Variants in THEMIS observed in about 807,000 individuals in gnomAD.
THEMIS encodes the protein protein THEMIS.
In THEMIS, 37 loss-of-function variants were observed where a neutral mutation model predicts 52.6. The ratio of observed to expected loss-of-function variants is 0.70; its 90% CI spans 0.54 to 0.93. The LOEUF (loss-of-function observed/expected upper bound fraction) is 0.93. Among genes scored for constraint, THEMIS ranks in the 40% least tolerant of loss-of-function variants. The pLI is 0.00. For missense variants in THEMIS, 808 were observed against 763.1 expected, an observed-to-expected ratio of 1.06 and a Z score of -0.69; for synonymous variants, 292 against 272.7, an observed-to-expected ratio of 1.07 and a Z score of -0.70.
At chr6:127,797,705 T>A (rs1431749179) in intron 4 of THEMIS, among the ~76,000 whole-genome samples, 1 of 152,232 alleles carries the variant, frequency 6.6e-6, no homozygotes, top group African/African-American at 2.4e-5. Flanking sequence ...GACTAAAAAT[T>A]CACAGGATAT....
At chr6:127,724,997 G>C (rs899202709) in intron 4 of THEMIS, among the ~76,000 whole-genome samples, 13 of 151,948 alleles carry the variant, frequency 8.6e-5, no homozygotes, top group Non-Finnish European at 1.6e-4. Context: ...AAATGGGCTT[G>C]TTTTTCTTTA....
At chr6:127,763,178 G>T (rs115176348) in intron 4 of THEMIS, among the ~76,000 whole-genome samples, 2,723 of 151,990 alleles carry the variant, frequency 0.018, 103 homozygotes, top group African/African-American at 0.062. Flanking sequence ...TACAGGGAAA[G>T]GTCAATTTAG....
chr6:127,865,147 C>G (rs1300184229), intron 1 of THEMIS, among the ~76,000 whole-genome samples: 1 of 152,102 alleles, frequency 6.6e-6, no homozygotes, highest in Admixed American at 6.6e-5. Context: ...GCAGCACCCC[C>G]TTAGAGGTCA....
intron 2 of THEMIS, among the ~76,000 whole-genome samples, chr6:127,839,652 G>A (rs1225661862): frequency 6.6e-6 from 1 of 152,114 alleles, no homozygotes; most frequent in Non-Finnish European, 1.5e-5. Context: ...ACAGGCATGA[G>A]CCACTATGCC....
At chr6:127,816,370 C>T (rs1268647500) in intron 3 of THEMIS, among the ~76,000 whole-genome samples, 1 of 152,136 alleles carries the variant, frequency 6.6e-6, no homozygotes, top group South Asian at 2.1e-4. Flanking sequence ...CCAGCCAAAA[C>T]ATTTTCCTGA....
chr6:127,741,423 A>G (rs562593713), intron 4 of THEMIS, among the ~76,000 whole-genome samples: 1 of 152,214 alleles, frequency 6.6e-6, no homozygotes, highest in Admixed American at 6.5e-5. Context: ...TCATAGAAGG[A>G]GGAAAAAATT....
At chr6:127,800,625 G>A (rs376444919) in intron 4 of THEMIS, among the ~76,000 whole-genome samples, 4 of 152,200 alleles carry the variant, frequency 2.6e-5, no homozygotes, top group African/African-American at 2.4e-5. Context: ...GGAGGTTAAC[G>A]TTTGAGTCAG....
At chr6:127,722,881 A>G (rs941646173) in intron 4 of THEMIS, among the ~76,000 whole-genome samples, 1 of 152,028 alleles carries the variant, frequency 6.6e-6, no homozygotes, top group Non-Finnish European at 1.5e-5. Context: ...ATCTTGGACA[A>G]TATCCATATC....
At position 127,829,650 on chromosome 6, in the gene THEMIS, C is replaced by T. The variant is rs369120459; in HGVS notation, c.535G>A (p.Glu179Lys). 11 of 1,613,944 alleles carry T rather than the reference C, an allele frequency of 6.8e-6. No individual in the cohort carries two copies. Among genetic ancestry groups the T allele is most frequent in the Non-Finnish European group, 9.3e-6 (11 of 1,180,010 alleles). ...QEGEFYECEDERIYTLKEIVE... is the reference protein window; with the variant it reads ...QEGEFYECEDKRIYTLKEIVE... Reference sequence around the variant, plus strand: ...ATCTCCTTTAGAGTGTAAATACGTTCATCTTCACACTCGTAGAATTCTCCT... The same window carrying T: ...ATCTCCTTTAGAGTGTAAATACGTTTATCTTCACACTCGTAGAATTCTCCT... The change falls in exon 3 of 6, where the codon GAA becomes AAA. Residue 179 changes from glutamate to lysine, a missense_variant. By Grantham distance (56) the Glu-to-Lys change is moderately conservative (BLOSUM62 1). Coordinates refer to ENST00000368248, the MANE Select transcript of THEMIS (RefSeq NM_001010923.3).
chr6:127,730,306 GA>G (rs1562219813), intron 4 of THEMIS, among the ~76,000 whole-genome samples: 1 of 123,482 alleles, frequency 8.1e-6, no homozygotes, highest in East Asian at 2.2e-4. Context: ...GAAAAGAAAA[GA>G]AAAGAAAAGA....
chr6:127,846,689 A>G (rs904659579), intron 2 of THEMIS, among the ~76,000 whole-genome samples: 3 of 151,916 alleles, frequency 2.0e-5, no homozygotes, highest in Admixed American at 2.0e-4. Flanking sequence ...ATAGATTCAC[A>G]GCTGAATTCT....
intron 4 of THEMIS, among the ~76,000 whole-genome samples, chr6:127,729,478 C>T (rs1774680762): frequency 6.6e-6 from 1 of 152,094 alleles, no homozygotes. Context: ...AGATGGTGGC[C>T]ATCTGAAATC....
chr6:127,902,741 T>C (rs73773942), upstream of THEMIS, among the ~76,000 whole-genome samples: 588 of 152,180 alleles, frequency 3.9e-3, 3 homozygotes, highest in African/African-American at 0.014. Context: ...CCTTGATCTG[T>C]CTGCCTTCCA....
chr6:127,848,463 T>C (rs1424331087), intron 2 of THEMIS, among the ~76,000 whole-genome samples: 3 of 151,850 alleles, frequency 2.0e-5, no homozygotes, highest in Admixed American at 1.3e-4. Context: ...CTGGGTCAAA[T>C]GGTATTTCTA....
At chr6:127,849,410 C>T (rs907205193) in intron 2 of THEMIS, among the ~76,000 whole-genome samples, 6 of 151,846 alleles carry the variant, frequency 4.0e-5, no homozygotes, top group Admixed American at 1.3e-4. Flanking sequence ...GCAATGCGGG[C>T]TCTTTTTTGG....
intron 3 of THEMIS, among the ~76,000 whole-genome samples, chr6:127,818,979 G>T (rs145011149): frequency 2.0e-5 from 3 of 151,426 alleles, no homozygotes; most frequent in Non-Finnish European, 4.4e-5. Context: ...TTAGCCAGGC[G>T]CATGGTGGCA....
chr6:127,898,584 A>C (rs1233743969), intron 1 of THEMIS, among the ~76,000 whole-genome samples: 1 of 151,702 alleles, frequency 6.6e-6, no homozygotes, highest in African/African-American at 2.4e-5. Flanking sequence ...AAACAGTGTG[A>C]AGTTTTCACA....
chr6:127,736,577 G>A (rs1368009781), intron 4 of THEMIS, among the ~76,000 whole-genome samples: 9 of 152,058 alleles, frequency 5.9e-5, no homozygotes, highest in Non-Finnish European at 1.3e-4. Flanking sequence ...ATTTGCCAAG[G>A]TGACACCCAG....
intron 4 of THEMIS, among the ~76,000 whole-genome samples, chr6:127,810,658 T>G (rs1357738402): frequency 3.3e-5 from 5 of 152,142 alleles, no homozygotes; most frequent in African/African-American, 1.2e-4. Flanking sequence ...CTTTATGAAT[T>G]ACTGAGTCTG....
Sources: allele counts gnomAD v4.1 joint callset (sites outside exome capture counted in the v4.1 genomes callset), GRCh38; gene constraint gnomAD v4.1.1; transcripts MANE v1.5; gene names NCBI Gene and HGNC (gene_info 2026-07-23, HGNC 2026-07-21).